The following TESC variants were observed in gnomAD, a reference collection of about 807,000 sequenced individuals.
TESC encodes calcineurin B homologous protein 3.
Under a neutral mutation model 31.0 loss-of-function variants are expected in TESC, and 19 were observed. That is an observed-to-expected ratio of 0.61 (90% confidence interval 0.43 to 0.90). The LOEUF (loss-of-function observed/expected upper bound fraction) is 0.90, where lower values mean the gene tolerates loss of function less well. Among genes scored for constraint, TESC ranks in the 40% least tolerant of loss-of-function variants. The pLI is 0.00. For missense variants in TESC, 248 were observed against 303.8 expected (o/e 0.82, Z 1.36); for synonymous variants, 109 against 114.8 (o/e 0.95, Z 0.32).
At chr12:117,048,992 T>C in intron 4 of TESC, 27 bp downstream of exon 4, 1 of 1,613,940 alleles carries the variant, frequency 6.2e-7, no homozygotes, top group Non-Finnish European at 8.5e-7. Flanking sequence ...AGGCCAGGTG[T>C]GAGCAAGGGG....
intron 2 of TESC, among the ~76,000 whole-genome samples, chr12:117,074,295 G>C (rs1955020185): frequency 6.6e-6 from 1 of 151,920 alleles, no homozygotes; most frequent in African/African-American, 2.4e-5. Context: ...TTGGGCCCAA[G>C]AGGTTGAGGC....
intron 7 of TESC, 50 bp from the exon 8 acceptor site, chr12:117,039,260 A>C: frequency 6.4e-7 from 1 of 1,561,012 alleles, no homozygotes; most frequent in African/African-American, 1.4e-5. Context: ...GCCACCTCAC[A>C]CCTGACCAGG....
At chr12:117,045,062 C>T (rs4766825) in intron 6 of TESC, among the ~76,000 whole-genome samples, 83,170 of 152,092 alleles carry the variant, frequency 0.55, 25,152 homozygotes, top group Admixed American at 0.7. Flanking sequence ...ACGCAGCTGC[C>T]CCTTGCCCCC....
At position 117,046,682 on chromosome 12, in the gene TESC, G is replaced by A. The variant is rs1226155560; in HGVS notation, c.412-16C>T. ...CCTCGACCACCTGCCAGGTGGGGCG[G>A]AAACAAACGGTGACCTTGGGCCTCC... On this transcript the variant is annotated splice_polypyrimidine_tract_variant and intron_variant, in intron 5 of 7. Transcript: ENST00000335209. The A allele has an allele frequency of 6.4e-7, 1 of 1,552,216 alleles. No homozygotes were observed.
chr12:117,080,903 C>G (rs751867276), intron 1 of TESC, among the ~76,000 whole-genome samples: 8 of 152,210 alleles, frequency 5.3e-5, no homozygotes, highest in Non-Finnish European at 1.2e-4. Context: ...GGGTTGGTAG[C>G]TTTTCCAGTT....
At chr12:117,051,667 A>G (rs2135755225) in intron 3 of TESC, among the ~76,000 whole-genome samples, 1 of 152,252 alleles carries the variant, frequency 6.6e-6, no homozygotes, top group East Asian at 1.9e-4. Flanking sequence ...CTGCAGCAAG[A>G]GGGATTAAGA....
In TESC at chr12:117,046,760, A is replaced by G. The variant is rs1245053633; in HGVS notation, c.411+17T>C. 3.2e-6 allele frequency: 5 copies of G among 1,559,176 alleles called. No homozygotes were observed. On this transcript the variant is annotated intron_variant, in intron 5 of 7. Transcript: ENST00000335209. The stretch of plus-strand genomic sequence containing the variant: ...AGGCACCAGGAGCCCCGGGCGGGCC[A>G]GAGGAGCATACTTTACATTTCGATA...
chr12:117,074,721 AGGGTGAGGCAT>A (rs766287698), intron 2 of TESC, among the ~76,000 whole-genome samples: 95 of 152,350 alleles, frequency 6.2e-4, no homozygotes, highest in Non-Finnish European at 1.2e-3. Context: ...CGAGGAAGTC[AGGGTGAGGCAT>A]GGGGTGGCTG....
intron 1 of TESC, among the ~76,000 whole-genome samples, chr12:117,089,084 C>G (rs1593025520): frequency 6.6e-6 from 1 of 152,186 alleles, no homozygotes; most frequent in African/African-American, 2.4e-5. Context: ...ACGTTCCCCA[C>G]TGGCCCAGAG....
At position 117,096,904 on chromosome 12, in the gene TESC, C is replaced by G. The variant is rs138095611; in HGVS notation, c.58+2321G>C. 4.3e-4 allele frequency among the ~76,000 whole-genome samples: 65 copies of G among 152,304 alleles called. 1 individual carries two copies. The East Asian group carries it at 9.9e-3, about 23-fold the overall frequency. ...TGCCCTTTCCACTGATTTGCACACC[C>G]CTGGCTCATTCTTACTTGGATTTCT... On this transcript the variant is annotated intron_variant, in intron 1 of 7. Coordinates refer to ENST00000335209, the MANE Select transcript of TESC (RefSeq NM_017899.4).
chr12:117,053,551 C>T (rs1954678422), intron 3 of TESC, among the ~76,000 whole-genome samples: 1 of 152,100 alleles, frequency 6.6e-6, no homozygotes, highest in African/African-American at 2.4e-5. Flanking sequence ...AGAGCATACA[C>T]TAAAATGCAC....
chr12:117,069,029 G>C (rs539777031), intron 2 of TESC, among the ~76,000 whole-genome samples: 5 of 152,270 alleles, frequency 3.3e-5, no homozygotes, highest in African/African-American at 1.2e-4. Context: ...GAAAATTTCT[G>C]AGTGTACAGG....
chr12:117,072,686 CA>C (rs540536304), intron 2 of TESC, among the ~76,000 whole-genome samples: 19 of 152,346 alleles, frequency 1.2e-4, no homozygotes, highest in African/African-American at 3.6e-4. Context: ...GTCTTGAGGA[CA>C]AAGGGGCTCT....
chr12:117,057,336 G>A (rs1389183217), intron 2 of TESC, among the ~76,000 whole-genome samples: 2 of 152,142 alleles, frequency 1.3e-5, no homozygotes, highest in Non-Finnish European at 2.9e-5. Flanking sequence ...CTGGGCTCAA[G>A]TGATCCTCCT....
chr12:117,090,703 A>C (rs1010850933), intron 1 of TESC, among the ~76,000 whole-genome samples: 6 of 152,178 alleles, frequency 3.9e-5, no homozygotes, highest in Non-Finnish European at 7.3e-5. Context: ...TGTGTGCCAT[A>C]GTGGGACTCT....
At chr12:117,090,859 A>G (rs1955296612) in intron 1 of TESC, among the ~76,000 whole-genome samples, 1 of 151,956 alleles carries the variant, frequency 6.6e-6, no homozygotes, top group Non-Finnish European at 1.5e-5. Flanking sequence ...AGCTTAGGGA[A>G]CCCTCTTCCA....
chr12:117,041,887 C>T (rs766790444), intron 7 of TESC, 60 bp downstream of exon 7: 17 of 1,521,016 alleles, frequency 1.1e-5, no homozygotes, highest in Non-Finnish European at 1.5e-5. Flanking sequence ...CCCCTCCTGA[C>T]CAGTGGGCCA....
At chr12:117,042,066 A>C in intron 6 of TESC, 72 bp from the exon 7 acceptor site, 1 of 1,480,016 alleles carries the variant, frequency 6.8e-7, no homozygotes, top group Non-Finnish European at 9.2e-7. Flanking sequence ...GGGACGGTCC[A>C]CTGGCCTCCC....
intron 1 of TESC, among the ~76,000 whole-genome samples, chr12:117,082,061 A>C (rs574305250): frequency 0.017 from 1,198 of 71,388 alleles, 59 homozygotes; most frequent in Admixed American, 0.096. Context: ...CCATCTATAC[A>C]AAAAAAAAAA....
Sources: gnomAD v4.1 joint callset for allele counts (sites outside exome capture counted in the v4.1 genomes callset) on GRCh38, gnomAD v4.1.1 for gene constraint, MANE v1.5 for transcripts, NCBI Gene and HGNC (gene_info 2026-07-23, HGNC 2026-07-21) for gene names.